Variants in GTF3C1 observed in about 807,000 individuals in gnomAD.
GTF3C1 encodes general transcription factor IIIC subunit 1.
A neutral mutation model predicts 226.7 loss-of-function variants in GTF3C1; 57 were observed. That is an observed-to-expected ratio of 0.25 (90% confidence interval 0.20 to 0.31). The LOEUF is 0.31. Ranked by LOEUF, GTF3C1 falls within the 10% of genes least tolerant of loss-of-function variation. GTF3C1 has a pLI of 1.00. For synonymous variants in GTF3C1, 1,090 were observed against 1,084.8 expected, an observed-to-expected ratio of 1.00 and a Z score of -0.09; for missense variants, 2,217 against 2,776.1, an observed-to-expected ratio of 0.80 and a Z score of 4.53.
chr16:27,501,901 G>A (rs923016684), intron 11 of GTF3C1, among the ~76,000 whole-genome samples: 23 of 152,090 alleles, frequency 1.5e-4, no homozygotes, highest in Admixed American at 4.6e-4. Context: ...TCAGGAGTTC[G>A]AGACCAGCCT....
chr16:27,518,477 G>A (rs928756302), intron 6 of GTF3C1, among the ~76,000 whole-genome samples: 2 of 152,220 alleles, frequency 1.3e-5, no homozygotes, highest in African/African-American at 4.8e-5. Flanking sequence ...CGCCTGGCAT[G>A]GAGGTAGTGC....
chr16:27,515,465 C>CAAA (rs74993489), intron 6 of GTF3C1, among the ~76,000 whole-genome samples: 19 of 135,930 alleles, frequency 1.4e-4, no homozygotes, highest in Admixed American at 1.3e-3. Flanking sequence ...CAAAACACAA[C>CAAA]AAAAAAAAAA....
intron 19 of GTF3C1, 37 bp from the exon 20 acceptor site, chr16:27,489,780 T>C (rs771892244): frequency 6.3e-7 from 1 of 1,596,340 alleles, no homozygotes; most frequent in Non-Finnish European, 8.5e-7. Context: ...AATCACGCCT[T>C]CCTGCTGCAG....
chr16:27,538,476 C>A, intron 2 of GTF3C1, 120 bp from the exon 3 acceptor site: 2 of 602,460 alleles, frequency 3.3e-6, no homozygotes, highest in Non-Finnish European at 2.8e-6. Context: ...TTACAAGATC[C>A]CAAAATTAAG....
intron 32 of GTF3C1, among the ~76,000 whole-genome samples, chr16:27,467,726 C>T (rs575528481): frequency 2.9e-4 from 44 of 152,050 alleles, no homozygotes; most frequent in African/African-American, 4.1e-4. Flanking sequence ...AAAAATTAGC[C>T]GGGTGTGTTG....
rs1460039295 is a variant in GTF3C1 at position 27,494,919 on chromosome 16, A to C, written c.2633-11T>G. The C allele has an allele frequency of 6.2e-7, 1 of 1,611,484 alleles. No individual in the cohort carries two copies. The highest frequency in any genetic ancestry group is 8.5e-7 in the Non-Finnish European group (1 of 1,178,048). On this transcript the variant is annotated splice_polypyrimidine_tract_variant and intron_variant, in intron 15 of 36. Coordinates refer to ENST00000356183, the MANE Select transcript of GTF3C1 (RefSeq NM_001520.4). ...CATCGTCGACATACACTAGGAAAAA[A>C]ACGCACGGTTACCCCCGGCAGCCAG...
chr16:27,505,946 T>C lies in GTF3C1; in HGVS notation c.1723A>G (p.Ser575Gly). Residue 575 changes from serine to glycine, a missense_variant, in exon 10 of 37, where the codon AGT (serine) becomes GGT (glycine). Ser to Gly is a moderately conservative substitution (Grantham distance 56, BLOSUM62 0). Coordinates refer to ENST00000356183, the MANE Select transcript of GTF3C1 (RefSeq NM_001520.4). ...TCCTCGATCACAGCTATGTCACCACTGTTGCTGTCCGCACAGTGGGAGACA... is the reference window on the plus strand; with the variant it reads ...TCCTCGATCACAGCTATGTCACCACCGTTGCTGTCCGCACAGTGGGAGACA... ...SFVSHCADSN[S>G]GDIAVIEEVR... 1 of 1,613,508 alleles carries C rather than the reference T, an allele frequency of 6.2e-7. No individual in the cohort carries two copies. Among genetic ancestry groups the C allele is most frequent in the Non-Finnish European group, 8.5e-7 (1 of 1,179,392 alleles).
At chr16:27,542,119 T>C (rs924854486) in intron 2 of GTF3C1, among the ~76,000 whole-genome samples, 2 of 152,204 alleles carry the variant, frequency 1.3e-5, no homozygotes, top group Admixed American at 6.5e-5. Context: ...TCAGGGTACA[T>C]CCCATCACAC....
Position 27,486,126 on chromosome 16 carries a change from C to G in GTF3C1, c.3729G>C (p.Arg1243Ser), listed in dbSNP as rs1409614779. 8.7e-6 allele frequency: 14 copies of G among 1,607,422 alleles called. No homozygotes were observed. Among genetic ancestry groups the G allele is most frequent in the Non-Finnish European group, 1.1e-5 (13 of 1,174,772 alleles). ...KGEFPGEKSK[R>S]LRYHDEADQS... ...GGTCGGCTTCATCATGGTAGCGCAG[C>G]CTTTTGCTTTTTTCTCCTGGGAACT... Residue 1243 changes from arginine to serine, a missense_variant, in exon 24 of 37, where the codon AGG becomes AGC. Arg to Ser is a moderately radical substitution (Grantham distance 110). Coordinates refer to ENST00000356183, the MANE Select transcript of GTF3C1 (RefSeq NM_001520.4).
rs1008432661 is a variant in GTF3C1 at position 27,471,007 on chromosome 16, C to G, written c.4527-612G>C. 2.0e-5 allele frequency among the ~76,000 whole-genome samples: 3 copies of G among 152,266 alleles called. No individual in the cohort carries two copies. Among genetic ancestry groups the G allele is most frequent in the Admixed American group, 1.3e-4 (2 of 15,288 alleles). On this transcript the variant is annotated intron_variant, in intron 30 of 36. Transcript: ENST00000356183. The surrounding 1 kb of genome is among the most constrained non-coding windows in gnomAD (Gnocchi z 5.0). ...CACGTATCTTCTGCTGCCACACCTACTTCCCAGAGGCCTGAGGGTCATTCG... is the reference window on the plus strand; with the variant it reads ...CACGTATCTTCTGCTGCCACACCTAGTTCCCAGAGGCCTGAGGGTCATTCG...
chr16:27,479,985 G>A (rs1483791409), intron 27 of GTF3C1, among the ~76,000 whole-genome samples: 1 of 152,032 alleles, frequency 6.6e-6, no homozygotes, highest in Non-Finnish European at 1.5e-5. Flanking sequence ...CAGATCACGA[G>A]GTCAGGAGAT....
chr16:27,533,311 C>T lies in GTF3C1; in HGVS notation c.829G>A (p.Gly277Arg). ...STRTNHIETL[G>R]KLREELGLCE... ...CTCACCAGCTCTTCCCTCAGCTTTC[C>T]CAGCGTCTCTATGTGGTTAGTCCGT... The change falls in exon 5 of 37, where the codon GGA becomes AGA. Residue 277 changes from glycine to arginine, a missense_variant. Coordinates refer to ENST00000356183, the MANE Select transcript of GTF3C1 (RefSeq NM_001520.4). The T allele has an allele frequency of 3.1e-6, 5 of 1,597,582 alleles. No homozygotes were observed. The highest frequency in any genetic ancestry group is 4.3e-6 in the Non-Finnish European group (5 of 1,164,974).
chr16:27,503,257 C>A (rs1271860629), intron 10 of GTF3C1, among the ~76,000 whole-genome samples: 1 of 152,236 alleles, frequency 6.6e-6, no homozygotes, highest in Non-Finnish European at 1.5e-5. Flanking sequence ...TCAGAGGCAT[C>A]TACTCCAGCA....
intron 29 of GTF3C1, among the ~76,000 whole-genome samples, chr16:27,472,569 C>T (rs888170713): frequency 1.3e-5 from 2 of 152,246 alleles, no homozygotes; most frequent in Non-Finnish European, 2.9e-5. Context: ...GACAAGGAGC[C>T]TGATAAGTGG....
intron 2 of GTF3C1, among the ~76,000 whole-genome samples, chr16:27,540,358 T>C (rs1353395292): frequency 6.6e-6 from 1 of 152,216 alleles, no homozygotes; most frequent in Non-Finnish European, 1.5e-5. Flanking sequence ...TGCTCTTTTG[T>C]TCTCAAAACA....
chr16:27,481,204 G>C lies in GTF3C1; in HGVS notation c.4084-13C>G. The C allele has an allele frequency of 6.2e-7, 1 of 1,606,440 alleles. No homozygotes were observed. Among genetic ancestry groups the C allele is most frequent in the Non-Finnish European group, 8.5e-7 (1 of 1,173,008 alleles). On this transcript the variant is annotated splice_polypyrimidine_tract_variant and intron_variant, in intron 26 of 36. Coordinates refer to ENST00000356183, the MANE Select transcript of GTF3C1 (RefSeq NM_001520.4). ...CGTTGGCACAAACCTTTCAACATGA[G>C]AGCATGAGAGGTTAAGCCCTTACTC...
intron 29 of GTF3C1, among the ~76,000 whole-genome samples, chr16:27,474,887 T>C (rs2087929553): frequency 1.3e-5 from 2 of 152,224 alleles, no homozygotes; most frequent in South Asian, 2.1e-4. Flanking sequence ...CCCTGATTGA[T>C]GGTCCCATGT....
At chr16:27,523,511 G>A (rs986166285) in intron 6 of GTF3C1, among the ~76,000 whole-genome samples, 1 of 151,916 alleles carries the variant, frequency 6.6e-6, no homozygotes, top group Non-Finnish European at 1.5e-5. Flanking sequence ...TTTGCAAACT[G>A]GAAAGACAAA....
intron 32 of GTF3C1, among the ~76,000 whole-genome samples, chr16:27,468,904 A>G (rs1051495543): frequency 6.6e-6 from 1 of 152,320 alleles, no homozygotes. Flanking sequence ...TCCTAAGAGC[A>G]CACACTTTAG....
Sources: allele counts gnomAD v4.1 joint callset (sites outside exome capture counted in the v4.1 genomes callset), GRCh38; gene constraint gnomAD v4.1.1; non-coding constraint Gnocchi (gnomAD v3.1); transcripts MANE v1.5; gene names NCBI Gene and HGNC (gene_info 2026-07-23, HGNC 2026-07-21).